MAST4: variants seen among roughly 807,000 people sequenced by gnomAD.
MAST4 encodes microtubule associated serine/threonine kinase family member 4.
MAST4 carries 89 observed loss-of-function variants against 162.7 expected under a neutral mutation model. The ratio of observed to expected loss-of-function variants is 0.55; its 90% CI spans 0.46 to 0.65. The LOEUF (loss-of-function observed/expected upper bound fraction) is 0.65. Ranked by LOEUF, MAST4 falls within the 30% of genes least tolerant of loss-of-function variation. The pLI, the probability that MAST4 is intolerant of heterozygous loss-of-function variation, is 0.00. For missense variants in MAST4, 3,153 were observed against 3,374.0 expected (o/e 0.93, Z 1.62); for synonymous variants, 1,479 against 1,361.1 (o/e 1.09, Z -1.91).
At chr5:67,151,767 C>CTTTTTT (rs1163541260) in intron 24 of MAST4, among the ~76,000 whole-genome samples, 27 of 115,640 alleles carry the variant, frequency 2.3e-4, no homozygotes, top group Non-Finnish European at 3.6e-4. Flanking sequence ...TTCTTTTTTT[C>CTTTTTT]TTTTTTTTTT....
intron 5 of MAST4, among the ~76,000 whole-genome samples, chr5:67,078,767 T>TATATATTTATTTATATTTATCTAA (rs1561620665): frequency 9.4e-5 from 11 of 117,202 alleles, no homozygotes; most frequent in East Asian, 8.6e-4. Context: ...TTTATCTAAA[T>TATATATTTATTTATATTTATCTAA]ATATATATTT....
chr5:67,162,483 A>T, intron 27 of MAST4, 124 bp from the exon 28 acceptor site: 13 of 783,158 alleles, frequency 1.7e-5, no homozygotes, highest in Non-Finnish European at 6.1e-6. Flanking sequence ...TCTGCTCTTT[A>T]ATAGGATCTG....
At position 66,979,535 on chromosome 5, in the gene MAST4, C is replaced by T. The variant is rs10461389; in HGVS notation, c.675-74869C>T. On this transcript the variant is annotated intron_variant, in intron 4 of 28. Coordinates refer to ENST00000403625, the MANE Select transcript of MAST4 (RefSeq NM_001164664.2). ...CCAATTTGGGTTCACCCTCTAGATC[C>T]GCTAGAGATGCCCCAGAAGCTAGAG... Among the ~76,000 whole-genome samples, 327 of 152,268 alleles carry T rather than the reference C, an allele frequency of 2.1e-3. 2 individuals are homozygous for T. The East Asian group carries it at 0.029, about 14-fold the overall frequency.
At chr5:67,045,461 A>C (rs2150509717) in intron 4 of MAST4, among the ~76,000 whole-genome samples, 1 of 152,350 alleles carries the variant, frequency 6.6e-6, no homozygotes, top group East Asian at 1.9e-4. Flanking sequence ...GAAATGGAGA[A>C]TAACTCAGGA....
At chr5:66,683,503 T>C (rs952840488) in intron 1 of MAST4, among the ~76,000 whole-genome samples, 2 of 152,202 alleles carry the variant, frequency 1.3e-5, no homozygotes, top group African/African-American at 4.8e-5. Flanking sequence ...CCTCTCTTAG[T>C]TGTCTTGCCT....
At chr5:66,780,284 A>T (rs1754800174) in intron 2 of MAST4, among the ~76,000 whole-genome samples, 1 of 152,050 alleles carries the variant, frequency 6.6e-6, no homozygotes, top group Non-Finnish European at 1.5e-5. Flanking sequence ...GCATTTGACT[A>T]TTCTGGGTAC....
At chr5:66,936,169 G>T (rs575827512) in intron 4 of MAST4, among the ~76,000 whole-genome samples, 5 of 152,336 alleles carry the variant, frequency 3.3e-5, no homozygotes, top group African/African-American at 1.2e-4. Flanking sequence ...GAGAAAGTGT[G>T]AATTTGCGTT....
intron 1 of MAST4, among the ~76,000 whole-genome samples, chr5:66,678,463 G>C (rs1748100109): frequency 6.6e-6 from 1 of 151,858 alleles, no homozygotes; most frequent in Non-Finnish European, 1.5e-5. Flanking sequence ...ATTAGCTTGA[G>C]TTAAGCATTT....
chr5:66,762,665 C>T (rs772170835), intron 2 of MAST4, among the ~76,000 whole-genome samples: 9 of 152,142 alleles, frequency 5.9e-5, no homozygotes, highest in Admixed American at 2.0e-4. Context: ...TGGGACATAC[C>T]CTGTTGCTAA....
intron 1 of MAST4, among the ~76,000 whole-genome samples, chr5:66,672,257 C>T (rs939252933): frequency 3.9e-5 from 6 of 152,156 alleles, no homozygotes; most frequent in East Asian, 3.9e-4. Context: ...GAAAAACTGC[C>T]GCTAACTATT....
intron 4 of MAST4, among the ~76,000 whole-genome samples, chr5:66,985,444 C>T (rs1749369532): frequency 6.6e-6 from 1 of 152,164 alleles, no homozygotes; most frequent in Non-Finnish European, 1.5e-5. Flanking sequence ...TCCTGCTGGG[C>T]AAATTGGAGT....
rs371680351 is a variant in MAST4 at position 66,996,845 on chromosome 5, C to T, written c.675-57559C>T. Reference sequence around the variant, plus strand: ...CTCCTCATCTCAAGATTCTTAATTACATCTGCAAAACTCTTCTTGCTATAT... The same window carrying T: ...CTCCTCATCTCAAGATTCTTAATTATATCTGCAAAACTCTTCTTGCTATAT... On this transcript the variant is annotated intron_variant, in intron 4 of 28. Transcript: ENST00000403625. Among the ~76,000 whole-genome samples, 243 of 152,336 alleles carry T rather than the reference C, an allele frequency of 1.6e-3. 2 individuals carry two copies. The highest frequency in any genetic ancestry group is 5.7e-3 in the African/African-American group (239 of 41,574).
intron 1 of MAST4, among the ~76,000 whole-genome samples, chr5:66,696,885 CT>C (rs1229089785): frequency 3.7e-4 from 56 of 152,272 alleles, no homozygotes; most frequent in African/African-American, 1.2e-3. Flanking sequence ...AATAATGGCA[CT>C]TTCACTTAAT....
In MAST4 at chr5:66,807,830, G is replaced by A. The variant is rs182107774; in HGVS notation, c.642+19036G>A. Among the ~76,000 whole-genome samples, 8 of 152,228 alleles carry A rather than the reference G, an allele frequency of 5.3e-5. No homozygotes were observed. In the East Asian group the frequency reaches 7.7e-4, roughly 15 times the overall value. On this transcript the variant is annotated intron_variant, in intron 3 of 28. Coordinates refer to ENST00000403625, the MANE Select transcript of MAST4 (RefSeq NM_001164664.2). ...GCAGCTGCTTCCCTAAGACTGTGCC[G>A]TCTTCCACTTCCACTCCCATCAGTG...
chr5:67,028,343 C>T (rs1037888938), intron 4 of MAST4, among the ~76,000 whole-genome samples: 6 of 152,098 alleles, frequency 3.9e-5, no homozygotes, highest in Non-Finnish European at 8.8e-5. Context: ...GAGTGGCAAA[C>T]AGGAAATGTA....
At chr5:66,724,876 A>G (rs143799969) in intron 1 of MAST4, among the ~76,000 whole-genome samples, 2 of 152,094 alleles carry the variant, frequency 1.3e-5, no homozygotes, top group African/African-American at 2.4e-5. Flanking sequence ...ATGGTCAATA[A>G]TTTTTACTTA....
intron 3 of MAST4, among the ~76,000 whole-genome samples, chr5:66,831,597 T>C (rs1403597848): frequency 1.3e-5 from 2 of 152,224 alleles, no homozygotes; most frequent in East Asian, 3.8e-4. Context: ...AGTCAGAACA[T>C]ATAATTTCTC....
chr5:66,944,692 A>C (rs994734156), intron 4 of MAST4, among the ~76,000 whole-genome samples: 2 of 152,110 alleles, frequency 1.3e-5, no homozygotes, highest in Non-Finnish European at 2.9e-5. Flanking sequence ...ATTTATTATA[A>C]ACTTAATGGC....
intron 1 of MAST4, among the ~76,000 whole-genome samples, chr5:66,660,445 A>T (rs111351776): frequency 0.01 from 1,568 of 152,334 alleles, 22 homozygotes; most frequent in African/African-American, 0.036. Flanking sequence ...CATTATCCAC[A>T]GATGGGTATT....
Sources: gnomAD v4.1 joint callset for allele counts (sites outside exome capture counted in the v4.1 genomes callset) on GRCh38, gnomAD v4.1.1 for gene constraint, MANE v1.5 for transcripts, NCBI Gene and HGNC (gene_info 2026-07-23, HGNC 2026-07-21) for gene names.